PRKCH: variants seen among roughly 807,000 people sequenced by gnomAD.
PRKCH encodes the protein protein kinase C eta type.
PRKCH carries 28 observed loss-of-function variants against 82.5 expected under a neutral mutation model. The observed-to-expected ratio is 0.34, with a 90% CI of 0.25 to 0.47. PRKCH has a LOEUF of 0.47. PRKCH is among the 20% of genes least tolerant of loss of function. The pLI is 1.00. For synonymous variants in PRKCH, 322 were observed against 327.4 expected, an observed-to-expected ratio of 0.98 and a Z score of 0.18; for missense variants, 705 against 881.8, an observed-to-expected ratio of 0.80 and a Z score of 2.54.
rs11342820 is a variant in PRKCH, at chr14:61,512,249, CTT to C, written c.1434-16804_1434-16803del. On this transcript the variant is annotated intron_variant, in intron 10 of 13. Coordinates refer to ENST00000332981, the MANE Select transcript of PRKCH (RefSeq NM_006255.5). The stretch of plus-strand genomic sequence containing the variant: ...AAACTGGGCAGATGATCACATGACC[CTT>C]TTTTTTTTTTTTTTTTTTTTTAAAG... 4.7e-3 allele frequency among the ~76,000 whole-genome samples: 560 copies of C among 118,504 alleles called. 3 individuals carry two copies. Among genetic ancestry groups the C allele is most frequent in the African/African-American group, 0.012 (340 of 29,190 alleles). 77.7% of individuals were successfully genotyped at this position (118,504 alleles called of 152,430 possible).
intron 10 of PRKCH, among the ~76,000 whole-genome samples, chr14:61,486,457 A>G (rs3783770): frequency 0.11 from 17,306 of 152,184 alleles, 1,080 homozygotes; most frequent in South Asian, 0.19. Context: ...CATACTTTGA[A>G]TGGACTCCGA....
chr14:61,529,516 CAAT>C (rs943820719), intron 11 of PRKCH, among the ~76,000 whole-genome samples: 7 of 151,552 alleles, frequency 4.6e-5, no homozygotes, highest in African/African-American at 1.7e-4. Context: ...AAATGTCCAA[CAAT>C]GATAGACTGG....
In PRKCH at chr14:61,280,212, G is replaced by A. The variant is rs1381166344; in HGVS notation, c.-19+92544G>A. 1 of 1,614,040 alleles carries A rather than the reference G, an allele frequency of 6.2e-7. No homozygotes were observed. Among genetic ancestry groups the A allele is most frequent in the South Asian group, 1.1e-5 (1 of 91,054 alleles). On this transcript the variant is annotated intron_variant, in intron 1 of 3. Transcript: ENST00000555185. This position sits in a 1 kb window ranked among gnomAD's most constrained non-coding sequence, Gnocchi z 5.0. ...AGGCGATGCCCAGGAAGGGGTTCTTGCCACCCATCCACGAGATGCTGCTGA... is the reference window on the plus strand; with the variant it reads ...AGGCGATGCCCAGGAAGGGGTTCTTACCACCCATCCACGAGATGCTGCTGA...
chr14:61,549,385 G>C (rs769710198), intron 13 of PRKCH, among the ~76,000 whole-genome samples: 18 of 152,200 alleles, frequency 1.2e-4, no homozygotes, highest in African/African-American at 4.3e-4. Context: ...GAGAATAAAG[G>C]GTGAGTGAGC....
At chr14:61,211,461 T>C (rs2044580076) in intron 1 of PRKCH, among the ~76,000 whole-genome samples, 1 of 152,220 alleles carries the variant, frequency 6.6e-6, no homozygotes, top group Non-Finnish European at 1.5e-5. Flanking sequence ...CGTGTTCTTG[T>C]ATAGCTTTTA....
chr14:61,224,931 A>G (rs2044685488), intron 1 of PRKCH, among the ~76,000 whole-genome samples: 1 of 152,172 alleles, frequency 6.6e-6, no homozygotes, highest in Non-Finnish European at 1.5e-5. Context: ...TCCAAGTGGT[A>G]CTTTCCTAGC....
chr14:61,396,465 A>C (rs752839700), intron 2 of PRKCH, among the ~76,000 whole-genome samples: 1 of 152,238 alleles, frequency 6.6e-6, no homozygotes, highest in Non-Finnish European at 1.5e-5. Flanking sequence ...CTGGAGAGAT[A>C]AAGATGAACG....
chr14:61,314,981 G>A (rs975697909), intron 1 of PRKCH, among the ~76,000 whole-genome samples: 2 of 151,978 alleles, frequency 1.3e-5, no homozygotes, highest in Non-Finnish European at 2.9e-5. Flanking sequence ...TTCTAGTTGT[G>A]GGTCGTTCTT....
intron 1 of PRKCH, among the ~76,000 whole-genome samples, chr14:61,316,285 A>C (rs962151761): frequency 6.6e-6 from 1 of 152,140 alleles, no homozygotes. Flanking sequence ...TTATTCTCTA[A>C]ATTCTCTAAT....
In PRKCH at chr14:61,335,143, C is replaced by T. The variant is rs566412832; in HGVS notation, c.363+12679C>T. Among the ~76,000 whole-genome samples, 8 of 152,180 alleles carry T rather than the reference C, an allele frequency of 5.3e-5. No individual in the cohort carries two copies. In the East Asian group the frequency reaches 1.4e-3, roughly 26 times the overall value. ...GGCCTTCTGAAAAGAATCGTACTGG[C>T]TGAGGATAGACACCCACAGGGTTGC... On this transcript the variant is annotated intron_variant, in intron 1 of 13. Transcript: ENST00000332981.
chr14:61,460,595 C>T (rs1025531281), intron 9 of PRKCH, among the ~76,000 whole-genome samples: 1 of 152,174 alleles, frequency 6.6e-6, no homozygotes, highest in Non-Finnish European at 1.5e-5. Flanking sequence ...CACCCCATTT[C>T]ACAGAGGAGA....
chr14:61,192,992 A>C (rs188589739), intron 1 of PRKCH, among the ~76,000 whole-genome samples: 1 of 152,232 alleles, frequency 6.6e-6, no homozygotes, highest in African/African-American at 2.4e-5. Context: ...TCCAGGTTCT[A>C]GGATCTGCAG....
chr14:61,197,971 A>T (rs1410359868), intron 1 of PRKCH, among the ~76,000 whole-genome samples: 1 of 152,280 alleles, frequency 6.6e-6, no homozygotes, highest in South Asian at 2.1e-4. Context: ...CTTCTGATCA[A>T]TAGAGTAGGT....
chr14:61,469,081 C>T (rs1012268448), intron 9 of PRKCH, among the ~76,000 whole-genome samples: 10 of 152,146 alleles, frequency 6.6e-5, no homozygotes, highest in Non-Finnish European at 5.9e-5. Context: ...GAATGCTAGG[C>T]AAAAGAAACA....
Position 61,363,793 on chromosome 14 carries a change from A to G in PRKCH, c.364-27432A>G, listed in dbSNP as rs2046261168. On this transcript the variant is annotated intron_variant, in intron 1 of 13. Transcript: ENST00000332981. ...TGGAGTCCAAGGGAACACCAGACAG[A>G]AGTGGAGGGATGGAGGGAAGAGGAA... is the stretch of plus-strand genomic sequence containing the variant. Among the ~76,000 whole-genome samples the G allele has an allele frequency of 2.0e-5, 3 of 150,602 alleles. No homozygotes were observed. The South Asian group carries it at 6.2e-4, about 31-fold the overall frequency.
At chr14:61,410,073 G>A (rs559633666) in intron 2 of PRKCH, among the ~76,000 whole-genome samples, 1 of 152,256 alleles carries the variant, frequency 6.6e-6, no homozygotes, top group African/African-American at 2.4e-5. Context: ...ATTTGCCTTA[G>A]TTTATTAAAT....
chr14:61,442,840 A>G, intron 2 of PRKCH: 1 of 261,146 alleles, frequency 3.8e-6, no homozygotes, highest in Non-Finnish European at 7.3e-6. Flanking sequence ...TGGGTTGCTG[A>G]GGTAGGAGCA....
At position 61,483,025 on chromosome 14, in the gene PRKCH, A is replaced by G. The variant is rs3783776; in HGVS notation, c.1279-2477A>G. ...AGCAATTGGAATTCATGTGACTGCC[A>G]GTCAGATCCACGAGGAAGATGAACA... On this transcript the variant is annotated intron_variant, in intron 9 of 13. Coordinates refer to ENST00000332981, the MANE Select transcript of PRKCH (RefSeq NM_006255.5). 0.019 allele frequency among the ~76,000 whole-genome samples: 2,943 copies of G among 152,338 alleles called. 169 individuals carry two copies. The East Asian group carries it at 0.24, about 12-fold the overall frequency.
intron 2 of PRKCH, 34 bp from the exon 3 acceptor site, chr14:61,443,077 T>A: frequency 6.3e-7 from 1 of 1,595,968 alleles, no homozygotes; most frequent in Non-Finnish European, 8.6e-7. Context: ...GTTCCTTACA[T>A]CTTATTCTTT....
Sources: gnomAD v4.1 joint callset for allele counts (sites outside exome capture counted in the v4.1 genomes callset) on GRCh38, gnomAD v4.1.1 for gene constraint, Gnocchi (gnomAD v3.1) non-coding constraint, MANE v1.5 for transcripts, NCBI Gene and HGNC (gene_info 2026-07-23, HGNC 2026-07-21) for gene names.